The following PALLD variants were observed in gnomAD, a reference collection of about 807,000 sequenced individuals.
PALLD encodes the protein palladin.
PALLD carries 61 observed loss-of-function variants against 123.5 expected under a neutral mutation model. The ratio of observed to expected loss-of-function variants is 0.49; its 90% CI spans 0.40 to 0.61. The LOEUF (loss-of-function observed/expected upper bound fraction) is 0.61, where lower values mean the gene tolerates loss of function less well. Among genes scored for constraint, PALLD ranks in the 20% least tolerant of loss-of-function variants. The pLI is 0.00. For synonymous variants in PALLD, 465 were observed against 496.4 expected (o/e 0.94, Z 0.84); for missense variants, 1,273 against 1,377.0 (o/e 0.92, Z 1.20).
intron 10 of PALLD, among the ~76,000 whole-genome samples, chr4:168,751,142 A>G (rs11937753): frequency 0.099 from 14,999 of 151,582 alleles, 2,041 homozygotes; most frequent in East Asian, 0.31. Flanking sequence ...CCTCCCGAGT[A>G]GCTGGGATTA....
At chr4:168,924,892 C>T in intron 19 of PALLD, 53 bp from the exon 20 acceptor site, 1 of 1,600,886 alleles carries the variant, frequency 6.2e-7, no homozygotes, top group Non-Finnish European at 8.6e-7. Flanking sequence ...GCTTCATGTC[C>T]AAAGCCACTT....
chr4:168,709,538 G>A (rs1399700037), intron 9 of PALLD, among the ~76,000 whole-genome samples: 1 of 646 alleles, frequency 1.5e-3, no homozygotes, highest in Non-Finnish European at 3.9e-3. Flanking sequence ...AAGGAAGGAA[G>A]GAAGGAAGGA....
chr4:168,843,925 A>T (rs991607682), intron 10 of PALLD: 2 of 152,174 alleles, frequency 1.3e-5, no homozygotes, highest in Non-Finnish European at 2.9e-5. Context: ...TCTCTTATTC[A>T]TGGGTGCCTC....
intron 8 of PALLD, 53 bp downstream of exon 8, chr4:168,691,345 A>G: frequency 7.0e-7 from 1 of 1,425,080 alleles, no homozygotes; most frequent in Non-Finnish European, 9.9e-7. Flanking sequence ...CAGATAATGT[A>G]TCTTTTGGGT....
At chr4:168,554,038 A>G (rs6852517) in intron 2 of PALLD, among the ~76,000 whole-genome samples, 79,407 of 151,986 alleles carry the variant, frequency 0.52, 21,083 homozygotes, top group East Asian at 0.83. Context: ...ATGTCTGTCC[A>G]GCCCCCACTG....
chr4:168,573,696 G>A (rs1252104777), intron 2 of PALLD, among the ~76,000 whole-genome samples: 1 of 152,026 alleles, frequency 6.6e-6, no homozygotes, highest in Non-Finnish European at 1.5e-5. Flanking sequence ...AAGGATCCCT[G>A]GAGAAAATCA....
At chr4:168,925,207 TGC>T (rs2126593981) in intron 20 of PALLD, 24 bp from the exon 21 acceptor site, 1 of 1,402,540 alleles carries the variant, frequency 7.1e-7, no homozygotes, top group South Asian at 1.2e-5. Flanking sequence ...AAATTCATAT[TGC>T]TCTCTCTCTC....
intron 10 of PALLD, among the ~76,000 whole-genome samples, chr4:168,845,278 G>A (rs907611757): frequency 6.6e-6 from 1 of 152,146 alleles, no homozygotes; most frequent in African/African-American, 2.4e-5. Context: ...TGGAGAAATT[G>A]TTCTAGGTCC....
At chr4:168,872,479 C>T (rs1751211983) in intron 10 of PALLD, among the ~76,000 whole-genome samples, 1 of 152,192 alleles carries the variant, frequency 6.6e-6, no homozygotes, top group African/African-American at 2.4e-5. Context: ...TTTTGCAATA[C>T]ATTTTAAACT....
chr4:168,770,655 G>T (rs1168388117), intron 10 of PALLD, among the ~76,000 whole-genome samples: 1 of 152,148 alleles, frequency 6.6e-6, no homozygotes, highest in African/African-American at 2.4e-5. Flanking sequence ...GAACCAAGGG[G>T]TTTTCCATGA....
chr4:168,723,275 T>C (rs1248050474), intron 10 of PALLD, among the ~76,000 whole-genome samples: 2 of 152,166 alleles, frequency 1.3e-5, no homozygotes, highest in African/African-American at 2.4e-5. Context: ...AGAATGACTG[T>C]AGGTGGAGTG....
Position 168,878,180 on chromosome 4 carries a change from A to T in PALLD, c.1965-12742A>T. The T allele has an allele frequency of 1.4e-6, 2 of 1,479,764 alleles. No individual in the cohort carries two copies. The highest frequency in any genetic ancestry group is 3.2e-5 in the African/African-American group (2 of 62,832). 91.7% of individuals were successfully genotyped at this position (1,479,764 alleles called of 1,614,324 possible). A position where few individuals can be genotyped will look rare whatever the true frequency, so the allele number is the denominator to read the frequency against. ...CCCGCCCCCGCCACCCCCGGTCTTC[A>T]GCCCCACGGCTGCCTTCCCGGTGCC... is the stretch of plus-strand genomic sequence containing the variant. On this transcript the variant is annotated intron_variant, in intron 10 of 21. Coordinates refer to ENST00000505667, the MANE Select transcript of PALLD (RefSeq NM_001166108.2).
At chr4:168,673,536 T>G (rs1780510123) in intron 3 of PALLD, among the ~76,000 whole-genome samples, 1 of 152,230 alleles carries the variant, frequency 6.6e-6, no homozygotes, top group Non-Finnish European at 1.5e-5. Context: ...TAGTCACCGT[T>G]AGTTTGGCTA....
intron 12 of PALLD, among the ~76,000 whole-genome samples, chr4:168,896,208 CAAA>C (rs35567491): frequency 1.5e-5 from 2 of 132,190 alleles, no homozygotes; most frequent in Non-Finnish European, 1.6e-5. Flanking sequence ...GACTCCATCT[CAAA>C]AAAAAAAAAA....
At chr4:168,811,741 CTCTT>C (rs1316939006) in intron 10 of PALLD, among the ~76,000 whole-genome samples, 15 of 144,058 alleles carry the variant, frequency 1.0e-4, no homozygotes, top group African/African-American at 3.5e-4. Flanking sequence ...GACCCTGTCT[CTCTT>C]TCTCTCTCTC....
intron 10 of PALLD, chr4:168,755,923 C>T: frequency 5.8e-6 from 1 of 171,286 alleles, no homozygotes; most frequent in Non-Finnish European, 1.2e-5. Context: ...TGCAGAGGGA[C>T]TTCAGTCACG....
At chr4:168,726,829 T>G (rs1786640972) in intron 10 of PALLD, among the ~76,000 whole-genome samples, 1 of 152,166 alleles carries the variant, frequency 6.6e-6, no homozygotes, top group African/African-American at 2.4e-5. Context: ...ATTATACCCA[T>G]GTAGTGAATG....
intron 15 of PALLD, among the ~76,000 whole-genome samples, chr4:168,905,958 G>A (rs188553325): frequency 1.0e-3 from 155 of 151,964 alleles, no homozygotes; most frequent in Non-Finnish European, 1.5e-3. Context: ...TTTTAATAGA[G>A]ACGGGGTTTC....
At chr4:168,656,969 T>C (rs886259922) in intron 2 of PALLD, among the ~76,000 whole-genome samples, 6 of 152,172 alleles carry the variant, frequency 3.9e-5, no homozygotes, top group Non-Finnish European at 8.8e-5. Context: ...TGAAACCGAG[T>C]TGGGGATCAA....
Sources: allele counts gnomAD v4.1 joint callset (sites outside exome capture counted in the v4.1 genomes callset), GRCh38; gene constraint gnomAD v4.1.1; transcripts MANE v1.5; gene names NCBI Gene and HGNC (gene_info 2026-07-23, HGNC 2026-07-21).